Variants in SLC25A48 observed in about 807,000 individuals in gnomAD.
The protein encoded by SLC25A48 is CTC-321K16.1.
A neutral mutation model predicts 32.2 loss-of-function variants in SLC25A48; 29 were observed. The ratio of observed to expected loss-of-function variants is 0.90; its 90% CI spans 0.67 to 1.23. The LOEUF (loss-of-function observed/expected upper bound fraction) is 1.23, where lower values mean the gene tolerates loss of function less well. SLC25A48 is among the 50% of genes most tolerant of loss of function. SLC25A48 has a pLI of 0.00. For missense variants in SLC25A48, 399 were observed against 422.7 expected, an observed-to-expected ratio of 0.94 and a Z score of 0.49; for synonymous variants, 164 against 172.3, an observed-to-expected ratio of 0.95 and a Z score of 0.38.
Position 135,678,590 on chromosome 5 carries a change from C to CT in SLC25A48, c.-521+43641dup, listed in dbSNP as rs1245544128. 6.6e-5 allele frequency among the ~76,000 whole-genome samples: 10 copies of CT among 152,200 alleles called. No individual in the cohort carries two copies. In the South Asian group the frequency reaches 1.0e-3, roughly 16 times the overall value. On this transcript the variant is annotated intron_variant, in intron 3 of 10. Transcript: ENST00000646290. Reference sequence around the variant, plus strand: ...GTGTTCTTTGGAGGTATAATATTTCCTTTTTTTCATGTTGCCTGTGTCCTT... The same window carrying CT: ...GTGTTCTTTGGAGGTATAATATTTCCTTTTTTTTCATGTTGCCTGTGTCCTT...
intron 3 of SLC25A48, among the ~76,000 whole-genome samples, chr5:135,768,072 G>A (rs901869318): frequency 9.4e-5 from 14 of 148,902 alleles, no homozygotes; most frequent in Admixed American, 7.3e-4. Flanking sequence ...ATATCGCAGC[G>A]GGTGTACACC....
intron 3 of SLC25A48, among the ~76,000 whole-genome samples, chr5:135,669,383 G>C (rs1248139948): frequency 6.6e-6 from 1 of 152,068 alleles, no homozygotes. Flanking sequence ...TTGTGTGCAA[G>C]TTGCTTATTG....
At chr5:135,832,013 G>T (rs1382089642), upstream of SLC25A48, among the ~76,000 whole-genome samples, 4 of 152,116 alleles carry the variant, frequency 2.6e-5, no homozygotes, top group African/African-American at 7.2e-5. Flanking sequence ...AGAGAGAAAT[G>T]GAGGATGGCA....
chr5:135,825,356 C>A (rs1758010097), intron 4 of SLC25A48, among the ~76,000 whole-genome samples: 1 of 152,232 alleles, frequency 6.6e-6, no homozygotes, highest in Non-Finnish European at 1.5e-5. Context: ...TGACCCGAAG[C>A]TTGTGGTCTA....
chr5:135,679,296 T>C (rs556360689), intron 3 of SLC25A48, among the ~76,000 whole-genome samples: 1 of 151,934 alleles, frequency 6.6e-6, no homozygotes, highest in East Asian at 1.9e-4. Flanking sequence ...ACAACAGAGG[T>C]AAACTGGGCC....
chr5:135,651,186 A>C (rs979452960), intron 3 of SLC25A48, among the ~76,000 whole-genome samples: 1 of 152,136 alleles, frequency 6.6e-6, no homozygotes, highest in East Asian at 1.9e-4. Context: ...AGGTCCTGAG[A>C]GCATGTAGTT....
chr5:135,770,808 C>G (rs1319090571), intron 3 of SLC25A48, among the ~76,000 whole-genome samples: 3 of 151,736 alleles, frequency 2.0e-5, no homozygotes, highest in African/African-American at 2.4e-5. Context: ...GGGTGTATAC[C>G]CTCCCTGTGA....
At chr5:135,768,193 G>A (rs1259392590) in intron 3 of SLC25A48, among the ~76,000 whole-genome samples, 5 of 139,392 alleles carry the variant, frequency 3.6e-5, no homozygotes, top group African/African-American at 1.4e-4. Context: ...GCAGTGGAGT[G>A]TACACCCCAC....
chr5:135,844,516 G>C (rs1462331855), intron 2 of SLC25A48, among the ~76,000 whole-genome samples: 1 of 152,184 alleles, frequency 6.6e-6, no homozygotes, highest in Admixed American at 6.5e-5. Context: ...AACCACGCAG[G>C]CTCTAGGTGT....
intron 3 of SLC25A48, among the ~76,000 whole-genome samples, chr5:135,759,995 A>T (rs1756022133): frequency 1.3e-5 from 2 of 151,828 alleles, no homozygotes; most frequent in African/African-American, 4.8e-5. Context: ...ACGTCCAGCT[A>T]ATTTTTGTAT....
intron 3 of SLC25A48, among the ~76,000 whole-genome samples, chr5:135,767,100 C>T (rs1580855726): frequency 7.0e-6 from 1 of 143,286 alleles, no homozygotes; most frequent in Non-Finnish European, 1.5e-5. Flanking sequence ...CTCCTAATAG[C>T]GCTGGGGGTG....
intron 3 of SLC25A48, among the ~76,000 whole-genome samples, chr5:135,648,123 G>T (rs1207130383): frequency 6.6e-6 from 1 of 152,142 alleles, no homozygotes; most frequent in East Asian, 1.9e-4. Context: ...CCCCAAATTA[G>T]TGCAGAGTTT....
intron 2 of SLC25A48, among the ~76,000 whole-genome samples, chr5:135,846,834 A>T (rs192645532): frequency 6.6e-6 from 1 of 152,316 alleles, no homozygotes; most frequent in Non-Finnish European, 1.5e-5. Context: ...ATCAAAATTA[A>T]TGCTGCACTA....
At chr5:135,626,912 A>C (rs1752452516) in intron 1 of SLC25A48, among the ~76,000 whole-genome samples, 1 of 152,142 alleles carries the variant, frequency 6.6e-6, no homozygotes, top group South Asian at 2.1e-4. Flanking sequence ...CTGACCATCC[A>C]GGGTCCAGCC....
intron 3 of SLC25A48, among the ~76,000 whole-genome samples, chr5:135,635,727 A>G (rs185155846): frequency 6.3e-4 from 96 of 152,336 alleles, no homozygotes; most frequent in Admixed American, 2.1e-3. Flanking sequence ...CAAGACATCC[A>G]TGAACGCAGA....
chr5:135,640,601 T>C (rs1470713365), intron 3 of SLC25A48, among the ~76,000 whole-genome samples: 1 of 152,156 alleles, frequency 6.6e-6, no homozygotes, highest in African/African-American at 2.4e-5. Flanking sequence ...TAACACGTTA[T>C]AAGGAAATTG....
intron 3 of SLC25A48, among the ~76,000 whole-genome samples, chr5:135,752,090 A>G (rs558515046): frequency 1.3e-5 from 2 of 152,350 alleles, no homozygotes; most frequent in Admixed American, 1.3e-4. Flanking sequence ...AAGGAAAAAT[A>G]GGAGAAAATC....
In SLC25A48 at chr5:135,594,182, A is replaced by T. The variant is rs143080854; in HGVS notation, c.-849+14585A>T. Among the ~76,000 whole-genome samples the T allele has an allele frequency of 1.8e-4, 27 of 152,350 alleles. 1 individual carries two copies. The East Asian group carries it at 5.0e-3, about 28-fold the overall frequency. On this transcript the variant is annotated intron_variant, in intron 1 of 10. Coordinates refer to the SLC25A48 transcript ENST00000646290. Reference sequence around the variant, plus strand: ...ATGACTTCATCTTCAATTTCTGAGGACCTGAGTATAAAAATCAGCTCTTTT... The same window carrying T: ...ATGACTTCATCTTCAATTTCTGAGGTCCTGAGTATAAAAATCAGCTCTTTT...
At chr5:135,624,064 G>T (rs1752387504) in intron 1 of SLC25A48, among the ~76,000 whole-genome samples, 1 of 152,186 alleles carries the variant, frequency 6.6e-6, no homozygotes, top group Non-Finnish European at 1.5e-5. Flanking sequence ...GGGGGTTGGT[G>T]TGGTTGTTCC....
Sources: gnomAD v4.1 joint callset for allele counts (sites outside exome capture counted in the v4.1 genomes callset) on GRCh38, gnomAD v4.1.1 for gene constraint, MANE v1.5 for transcripts, NCBI Gene and HGNC (gene_info 2026-07-23, HGNC 2026-07-21) for gene names.